The following BEND6 variants were observed in gnomAD, a reference collection of about 807,000 sequenced individuals.
BEND6 encodes BEN domain containing 6.
A neutral mutation model predicts 31.8 loss-of-function variants in BEND6; 24 were observed. The ratio of observed to expected loss-of-function variants is 0.75; its 90% CI spans 0.55 to 1.06. The LOEUF (loss-of-function observed/expected upper bound fraction) is 1.06, where lower values mean the gene tolerates loss of function less well. BEND6 is among the 50% of genes least tolerant of loss of function. BEND6 has a pLI of 0.00. For synonymous variants in BEND6, 109 were observed against 114.6 expected (o/e 0.95, Z 0.31); for missense variants, 294 against 327.4 (o/e 0.90, Z 0.79).
chr6:56,964,046 TATTA>T (rs1219704860), intron 1 of BEND6, among the ~76,000 whole-genome samples: 2 of 148,334 alleles, frequency 1.3e-5, no homozygotes, highest in East Asian at 1.9e-4. Flanking sequence ...TTATAATTAA[TATTA>T]ATTAATTTAT....
intron 3 of BEND6, among the ~76,000 whole-genome samples, chr6:57,003,540 C>CAAA (rs918859916): frequency 1.3e-5 from 2 of 151,662 alleles, no homozygotes; most frequent in African/African-American, 4.8e-5. Context: ...ACAACAACAA[C>CAAA]AAAAACTACC....
chr6:56,980,617 AAAGT>A (rs1826033357), intron 1 of BEND6, among the ~76,000 whole-genome samples: 1 of 152,230 alleles, frequency 6.6e-6, no homozygotes, highest in Admixed American at 6.5e-5. Context: ...TTGAAAGGCT[AAAGT>A]AAGTTTTCAA....
Position 57,015,133 on chromosome 6 carries a change from T to C in BEND6, c.299T>C (p.Val100Ala), listed in dbSNP as rs370271833. Residue 100 changes from valine to alanine, a missense_variant and splice_region_variant, in exon 4 of 7, where the codon GTG becomes GCG. Transcript: ENST00000370746. ...AGTGTACTTTTTCTTGCCATTTTAGTGTTACCACAAGCAGTCACCCAGTTT... is the reference window on the plus strand; with the variant it reads ...AGTGTACTTTTTCTTGCCATTTTAGCGTTACCACAAGCAGTCACCCAGTTT... The part of the protein sequence containing the change: ...RLRQSLVMLQ[V>A]LPQAVTQFEE... The C allele has an allele frequency of 6.2e-7, 1 of 1,613,286 alleles. No homozygotes were observed. The highest frequency in any genetic ancestry group is 8.5e-7 in the Non-Finnish European group (1 of 1,179,398).
Position 56,955,149 on chromosome 6 carries a change from G to T in BEND6, c.-412G>T, listed in dbSNP as rs920723935. On this transcript the variant is annotated 5_prime_UTR_variant, in exon 1 of 7. Coordinates refer to ENST00000370746, the MANE Select transcript of BEND6 (RefSeq NM_152731.3). ...GCGGCAGCGCGGGCGCGCGGACATGGCTGCGGCGGTTTCGGCGGCGTCCGC... is the reference window on the plus strand; with the variant it reads ...GCGGCAGCGCGGGCGCGCGGACATGTCTGCGGCGGTTTCGGCGGCGTCCGC... 6.6e-6 allele frequency: 1 copy of T among 150,614 alleles called. No homozygotes were observed. The highest frequency in any genetic ancestry group is 1.5e-5 in the Non-Finnish European group (1 of 67,398). The allele number at this position is 150,614 out of a possible 1,614,324, so 9.3% of individuals were successfully genotyped here.
intron 3 of BEND6, among the ~76,000 whole-genome samples, chr6:57,012,971 G>A (rs1562557045): frequency 1.3e-5 from 2 of 152,266 alleles, no homozygotes; most frequent in Admixed American, 6.5e-5. Flanking sequence ...TCAGCCTTAA[G>A]TTGTCAGATG....
chr6:56,967,143 C>T (rs953081550), intron 1 of BEND6, among the ~76,000 whole-genome samples: 10 of 152,136 alleles, frequency 6.6e-5, no homozygotes, highest in Non-Finnish European at 1.5e-4. Flanking sequence ...GACACACAGG[C>T]AATCAGGAGG....
intron 1 of BEND6, among the ~76,000 whole-genome samples, chr6:56,968,614 G>T (rs79603943): frequency 6.6e-6 from 1 of 151,734 alleles, no homozygotes; most frequent in Admixed American, 6.6e-5. Flanking sequence ...CACTGCACTT[G>T]GCCCAAACAT....
At chr6:57,025,900 C>T (rs543373300) in intron 6 of BEND6, among the ~76,000 whole-genome samples, 182 bp from the exon 7 acceptor site, 2 of 152,044 alleles carry the variant, frequency 1.3e-5, no homozygotes, top group African/African-American at 4.8e-5. Flanking sequence ...TTTTGGTTTT[C>T]TGTGATAGGG....
At position 57,015,270 on chromosome 6, in the gene BEND6, T is replaced by C. The variant is rs776044607; in HGVS notation, c.436T>C (p.Ser146Pro). Residue 146 changes from serine (S) to proline (P), a missense_variant, in exon 4 of 7, where the codon TCA (serine) becomes CCA (proline). Coordinates refer to ENST00000370746, the MANE Select transcript of BEND6 (RefSeq NM_152731.3). ...CAACTCCTCGCCAGATTCATTTGCC[T>C]CAACATGCAGTAATTCTAATTCTAA... ...TNNSSPDSFA[S>P]TCSNSNSNSS... The C allele has an allele frequency of 6.2e-7, 1 of 1,614,156 alleles. No homozygotes were observed. Among genetic ancestry groups the C allele is most frequent in the Non-Finnish European group, 8.5e-7 (1 of 1,180,026 alleles).
At chr6:57,025,322 T>C (rs1827868055) in intron 6 of BEND6, among the ~76,000 whole-genome samples, 1 of 152,236 alleles carries the variant, frequency 6.6e-6, no homozygotes, top group African/African-American at 2.4e-5. Context: ...TTTATTTCTG[T>C]CTTTTTGGTC....
chr6:57,017,399 G>T lies in BEND6; in HGVS notation c.712G>T (p.Gly238Ter). 1 of 1,347,576 alleles carries T rather than the reference G, an allele frequency of 7.4e-7. No individual in the cohort carries two copies. Among genetic ancestry groups the T allele is most frequent in the South Asian group, 2.5e-5 (1 of 40,636 alleles). 83.5% of individuals were successfully genotyped at this position (1,347,576 alleles called of 1,614,324 possible). ...MNQNEVQEIIGVTKQLFPNTD... is the reference protein window; with the variant it reads ...MNQNEVQEII ...TCAGAATGAAGTCCAAGAAATCATA[G>T]GTGATAATATGATTGCGTTATATTG... Residue 238 changes from glycine to a stop codon, truncating the protein, a stop_gained and splice_region_variant, in exon 5 of 7, where the codon GGA (glycine) becomes TGA (stop). Coordinates refer to ENST00000370746, the MANE Select transcript of BEND6 (RefSeq NM_152731.3). LOFTEE classifies it high-confidence loss of function.
chr6:56,957,797 T>C (rs944337667), intron 1 of BEND6, among the ~76,000 whole-genome samples: 10 of 152,304 alleles, frequency 6.6e-5, no homozygotes, highest in Non-Finnish European at 1.5e-4. Flanking sequence ...TTGGGAAAGA[T>C]AGCTAAGAGA....
intron 1 of BEND6, among the ~76,000 whole-genome samples, chr6:56,963,858 A>G (rs1025556804): frequency 1.4e-5 from 2 of 147,996 alleles, no homozygotes; most frequent in South Asian, 4.2e-4. Flanking sequence ...CAATACTAGT[A>G]GTGGTATAAT....
In BEND6 at chr6:56,983,962, T is replaced by C. The variant is rs146138731; in HGVS notation, c.120+2032T>C. On this transcript the variant is annotated intron_variant, in intron 2 of 6. Coordinates refer to ENST00000370746, the MANE Select transcript of BEND6 (RefSeq NM_152731.3). ...GGCCAGATGCAGTGGCTTACACCTA[T>C]AATCCCAGCACTTTGGAAGGCTGAG... 5.2e-4 allele frequency among the ~76,000 whole-genome samples: 79 copies of C among 152,280 alleles called. 1 individual carries two copies. Among genetic ancestry groups the C allele is most frequent in the African/African-American group, 1.9e-3 (78 of 41,558 alleles).
intron 3 of BEND6, among the ~76,000 whole-genome samples, chr6:56,995,523 A>G (rs1826673353): frequency 6.6e-6 from 1 of 152,216 alleles, no homozygotes; most frequent in Non-Finnish European, 1.5e-5. Flanking sequence ...GGAGTTTGGA[A>G]TTACAAAATC....
intron 3 of BEND6, among the ~76,000 whole-genome samples, chr6:56,995,667 C>T (rs1826680220): frequency 6.6e-6 from 1 of 152,176 alleles, no homozygotes; most frequent in Non-Finnish European, 1.5e-5. Flanking sequence ...GTGTGCTTCT[C>T]TCTCTGTGTC....
Position 57,018,460 on chromosome 6 carries a change from C to G in BEND6, c.752C>G (p.Ser251Ter), listed in dbSNP as rs1450579245. The change falls in exon 6 of 7, where the codon TCA becomes TGA. Residue 251 changes from serine (S) to a stop codon, truncating the protein, a stop_gained. Transcript: ENST00000370746. LOFTEE classifies it high-confidence loss of function. ...TTATTTCCCAATACGGATGATGTTTCAATTAGGAGAATGATAGGGCAAAAG... is the reference window on the plus strand; with the variant it reads ...TTATTTCCCAATACGGATGATGTTTGAATTAGGAGAATGATAGGGCAAAAG... ...KQLFPNTDDV[S>*]IRRMIGQKLN... 1.9e-6 allele frequency: 3 copies of G among 1,584,564 alleles called. No homozygotes were observed. The highest frequency in any genetic ancestry group is 2.6e-6 in the Non-Finnish European group (3 of 1,170,658).
chr6:57,004,074 C>G (rs1027073825), intron 3 of BEND6, among the ~76,000 whole-genome samples: 1 of 152,112 alleles, frequency 6.6e-6, no homozygotes, highest in Non-Finnish European at 1.5e-5. Context: ...CAACATAATA[C>G]TGAGCAGGTA....
At chr6:56,997,976 G>A (rs1452217753) in intron 3 of BEND6, among the ~76,000 whole-genome samples, 2 of 151,864 alleles carry the variant, frequency 1.3e-5, no homozygotes, top group African/African-American at 2.4e-5. Context: ...TGTGGGGGTG[G>A]GGGGCGGCAA....
Sources: allele counts gnomAD v4.1 joint callset (sites outside exome capture counted in the v4.1 genomes callset), GRCh38; gene constraint gnomAD v4.1.1; transcripts MANE v1.5; gene names NCBI Gene and HGNC (gene_info 2026-07-23, HGNC 2026-07-21).